PRKG1: variants seen among roughly 807,000 people sequenced by gnomAD.
PRKG1 encodes the protein protein kinase cGMP-dependent 1, also known as cGMP-dependent protein kinase 1.
Under a neutral mutation model 88.1 loss-of-function variants are expected in PRKG1, and 35 were observed. The ratio of observed to expected loss-of-function variants is 0.40; its 90% CI spans 0.30 to 0.53. PRKG1 has a LOEUF of 0.53. PRKG1 is among the 20% of genes least tolerant of loss of function. The pLI, the probability that PRKG1 is intolerant of heterozygous loss-of-function variation, is 0.59. For missense variants in PRKG1, 540 were observed against 839.8 expected (o/e 0.64, Z 4.41); for synonymous variants, 303 against 292.5 (o/e 1.04, Z -0.37).
intron 5 of PRKG1, among the ~76,000 whole-genome samples, chr10:51,915,103 A>G (rs547657706): frequency 6.6e-6 from 1 of 152,200 alleles, no homozygotes; most frequent in Non-Finnish European, 1.5e-5. Flanking sequence ...TTGGCTGTGC[A>G]GCTGTTCCTC....
chr10:51,684,637 G>C (rs1248881766), intron 3 of PRKG1, among the ~76,000 whole-genome samples: 1 of 151,952 alleles, frequency 6.6e-6, no homozygotes, highest in African/African-American at 2.4e-5. Flanking sequence ...TGGGAGGCCG[G>C]GGCAACAGAT....
At chr10:52,004,789 C>T (rs1439420198) in intron 5 of PRKG1, among the ~76,000 whole-genome samples, 1 of 152,074 alleles carries the variant, frequency 6.6e-6, no homozygotes, top group African/African-American at 2.4e-5. Context: ...TTTAGAGGCG[C>T]AGTGGCTCAT....
At chr10:52,176,519 A>G (rs1270966316) in intron 9 of PRKG1, among the ~76,000 whole-genome samples, 1 of 152,124 alleles carries the variant, frequency 6.6e-6, no homozygotes, top group Non-Finnish European at 1.5e-5. Flanking sequence ...TTATGGTTCC[A>G]TACAAATTTT....
intron 4 of PRKG1, among the ~76,000 whole-genome samples, chr10:51,821,685 A>G (rs10999636): frequency 7.1e-6 from 1 of 141,742 alleles, no homozygotes; most frequent in African/African-American, 2.9e-5. Flanking sequence ...ATTGACCTAT[A>G]TATATTGACC....
intron 10 of PRKG1, among the ~76,000 whole-genome samples, chr10:52,264,074 T>C (rs1841503940): frequency 1.3e-5 from 2 of 152,110 alleles, no homozygotes; most frequent in Admixed American, 1.3e-4. Context: ...CTGTATACCC[T>C]GCTTCAGCTT....
intron 2 of PRKG1, among the ~76,000 whole-genome samples, chr10:51,467,503 G>A (rs1839937374): frequency 6.6e-6 from 1 of 151,806 alleles, no homozygotes; most frequent in Non-Finnish European, 1.5e-5. Context: ...TGTTTCTTTG[G>A]ATCTCATATC....
chr10:52,101,727 G>A (rs969744174), intron 7 of PRKG1, among the ~76,000 whole-genome samples: 1 of 152,180 alleles, frequency 6.6e-6, no homozygotes, highest in Admixed American at 6.5e-5. Context: ...AGGCGACCTA[G>A]CCAGTAGCTT....
At chr10:51,030,510 CAAAG>C (rs1433160769) in intron 1 of PRKG1, among the ~76,000 whole-genome samples, 1 of 151,978 alleles carries the variant, frequency 6.6e-6, no homozygotes, top group Non-Finnish European at 1.5e-5. Context: ...TCTCTGTAAC[CAAAG>C]AAAGAAACAT....
intron 3 of PRKG1, among the ~76,000 whole-genome samples, chr10:51,712,892 T>C (rs1841794756): frequency 6.6e-6 from 1 of 152,076 alleles, no homozygotes; most frequent in African/African-American, 2.4e-5. Flanking sequence ...ATCCAAACAA[T>C]TATTATTAGA....
intron 5 of PRKG1, among the ~76,000 whole-genome samples, chr10:51,961,156 A>G (rs1315134831): frequency 6.6e-6 from 1 of 152,194 alleles, no homozygotes; most frequent in Non-Finnish European, 1.5e-5. Context: ...CAGAACTAAC[A>G]TAATACCAAA....
At chr10:51,605,771 C>T (rs1023659539) in intron 3 of PRKG1, among the ~76,000 whole-genome samples, 13 of 152,144 alleles carry the variant, frequency 8.5e-5, no homozygotes, top group South Asian at 2.1e-4. Context: ...AATAAAAAAG[C>T]GGGGAAACAA....
chr10:51,788,982 C>G (rs188824670), intron 3 of PRKG1, among the ~76,000 whole-genome samples: 15 of 152,216 alleles, frequency 9.9e-5, no homozygotes, highest in African/African-American at 3.4e-4. Context: ...AAAGGAAAAT[C>G]CCTCCTTTGG....
chr10:51,173,941 A>G (rs1340510140), intron 2 of PRKG1, among the ~76,000 whole-genome samples: 1 of 151,846 alleles, frequency 6.6e-6, no homozygotes, highest in Non-Finnish European at 1.5e-5. Flanking sequence ...AATTATTTTT[A>G]TTGTTAAAAA....
At chr10:51,698,941 G>A in intron 3 of PRKG1, 1 of 1,614,224 alleles carries the variant, frequency 6.2e-7, no homozygotes, top group Non-Finnish European at 8.5e-7. Flanking sequence ...ACTGAGATTT[G>A]CCTGGGATCA....
At chr10:51,400,839 AG>A (rs1157206340) in intron 2 of PRKG1, among the ~76,000 whole-genome samples, 2 of 152,170 alleles carry the variant, frequency 1.3e-5, no homozygotes, top group African/African-American at 4.8e-5. Context: ...GACTTTCCTC[AG>A]GTGTGTAATG....
At chr10:51,714,948 A>G (rs1317072141) in intron 3 of PRKG1, among the ~76,000 whole-genome samples, 1 of 152,242 alleles carries the variant, frequency 6.6e-6, no homozygotes, top group Non-Finnish European at 1.5e-5. Flanking sequence ...TCTTATAAAT[A>G]TATTTAATGA....
intron 9 of PRKG1, among the ~76,000 whole-genome samples, chr10:52,193,560 AAAC>A (rs1291007428): frequency 2.0e-4 from 6 of 29,732 alleles, no homozygotes; most frequent in African/African-American, 4.0e-4. Context: ...AAAAAAAAAA[AAAC>A]AAAAAAAAAA....
At chr10:52,132,454 G>T (rs7912141) in intron 7 of PRKG1, among the ~76,000 whole-genome samples, 2 of 151,808 alleles carry the variant, frequency 1.3e-5, no homozygotes, top group African/African-American at 2.4e-5. Flanking sequence ...AATTTAAAGC[G>T]ATTGTAATCT....
chr10:51,402,587 G>T (rs529520004), intron 2 of PRKG1, among the ~76,000 whole-genome samples: 1 of 152,174 alleles, frequency 6.6e-6, no homozygotes, highest in Non-Finnish European at 1.5e-5. Flanking sequence ...TATGCTGACT[G>T]TATTAATGAT....
Sources: gnomAD v4.1 joint callset for allele counts (sites outside exome capture counted in the v4.1 genomes callset) on GRCh38, gnomAD v4.1.1 for gene constraint, MANE v1.5 for transcripts, NCBI Gene and HGNC (gene_info 2026-07-23, HGNC 2026-07-21) for gene names.